Variants in GMPS observed in about 807,000 individuals in gnomAD.
GMPS encodes the protein guanosine monophosphate synthase, also known as GMP synthase [glutamine-hydrolyzing].
GMPS carries 15 observed loss-of-function variants against 77.9 expected under a neutral mutation model. That is an observed-to-expected ratio of 0.19 (90% CI 0.13 to 0.30). GMPS has a LOEUF of 0.30. Among genes scored for constraint, GMPS ranks in the 10% least tolerant of loss-of-function variants. The pLI is 1.00. For synonymous variants in GMPS, 224 were observed against 275.9 expected (o/e 0.81, Z 1.86); for missense variants, 590 against 838.8 (o/e 0.70, Z 3.66).
chr3:155,937,515 A>C, intron 15 of GMPS, 76 bp from the exon 16 acceptor site: 1 of 701,884 alleles, frequency 1.4e-6, no homozygotes, highest in South Asian at 1.7e-5. Flanking sequence ...TTTAATTTCA[A>C]ATTACAAATG....
At chr3:155,871,947 A>G (rs1017811608) in intron 1 of GMPS, among the ~76,000 whole-genome samples, 8 of 152,174 alleles carry the variant, frequency 5.3e-5, no homozygotes, top group African/African-American at 1.9e-4. Context: ...TCTGACCTTC[A>G]CTAAGTCAGT....
At chr3:155,893,417 C>T in intron 1 of GMPS, 101 bp from the exon 2 acceptor site, 1 of 722,534 alleles carries the variant, frequency 1.4e-6, no homozygotes, top group Non-Finnish European at 2.2e-6. Flanking sequence ...AGTTTTCATT[C>T]CTATGTGTTT....
upstream of GMPS, chr3:155,870,585 TGCC>T (rs1444611484): frequency 4.5e-4 from 174 of 385,334 alleles, no homozygotes; most frequent in Non-Finnish European, 6.1e-5. Flanking sequence ...GAGGCTCGGC[TGCC>T]AAGCCGAACG....
intron 10 of GMPS, among the ~76,000 whole-genome samples, chr3:155,921,289 TA>T (rs972692200): frequency 9.2e-5 from 14 of 152,212 alleles, no homozygotes; most frequent in Non-Finnish European, 1.6e-4. Flanking sequence ...TTTTTGGTAT[TA>T]AAAACTCACA....
rs1385630439 is a variant in GMPS, at chr3:155,914,563, T to C, written c.1031T>C (p.Phe344Ser). The change falls in exon 8 of 16, where the codon TTT becomes TCT. Residue 344 changes from phenylalanine (F) to serine (S), a missense_variant. Coordinates refer to ENST00000496455, the MANE Select transcript of GMPS (RefSeq NM_003875.3). ...AAAAGAAAAATCATTGGGGATACTTTTGTTAAGGTACCTTTGTTTTTAATA... is the reference window on the plus strand; with the variant it reads ...AAAAGAAAAATCATTGGGGATACTTCTGTTAAGGTACCTTTGTTTTTAATA... Reference protein sequence around the residue: ...EEKRKIIGDTFVKIANEVIGE... With the variant: ...EEKRKIIGDTSVKIANEVIGE... 6.4e-7 allele frequency: 1 copy of C among 1,572,734 alleles called. No homozygotes were observed. The highest frequency in any genetic ancestry group is 8.6e-7 in the Non-Finnish European group (1 of 1,163,220).
chr3:155,941,191 T>C lies in GMPS; in HGVS notation c.*3499T>C, dbSNP rs1369017442. The C allele has an allele frequency of 1.7e-5, 3 of 177,256 alleles. No homozygotes were observed. Among genetic ancestry groups the C allele is most frequent in the African/African-American group, 7.1e-5 (3 of 42,076 alleles). The allele number at this position is 177,256 out of a possible 1,614,324, so 11.0% of individuals were successfully genotyped here. On this transcript the variant is annotated 3_prime_UTR_variant, in exon 16 of 16. Transcript: ENST00000496455. The stretch of plus-strand genomic sequence containing the variant: ...AGGCCGAGGTGGGTGGATCACGAGA[T>C]CAGGAGATCGAGACCATCTTGGCTA...
intron 1 of GMPS, among the ~76,000 whole-genome samples, chr3:155,883,183 T>C (rs764869853): frequency 9.2e-5 from 14 of 152,180 alleles, no homozygotes; most frequent in Non-Finnish European, 1.6e-4. Flanking sequence ...GCCATTCTCA[T>C]GCCTCAGGCT....
intron 1 of GMPS, among the ~76,000 whole-genome samples, chr3:155,889,439 G>A (rs762183927): frequency 6.6e-6 from 1 of 152,154 alleles, no homozygotes; most frequent in African/African-American, 2.4e-5. Context: ...CTCCTAGCGC[G>A]CTGCGGTTCT....
intron 1 of GMPS, among the ~76,000 whole-genome samples, chr3:155,876,610 G>A (rs755155528): frequency 1.1e-4 from 16 of 152,128 alleles, no homozygotes; most frequent in African/African-American, 2.2e-4. Flanking sequence ...GTGGGATATC[G>A]GACTAACAGA....
Position 155,937,758 on chromosome 3 carries a change from G to C in GMPS, c.*66G>C. 1.3e-6 allele frequency: 1 copy of C among 780,912 alleles called. No individual in the cohort carries two copies. The highest frequency in any genetic ancestry group is 1.5e-5 in the South Asian group (1 of 67,064). The allele number at this position is 780,912 out of a possible 1,614,324, so 48.4% of individuals were successfully genotyped here. The stretch of plus-strand genomic sequence containing the variant: ...TTGATTAGAAATCATTCCCATTATT[G>C]ACATGCAGTACTGTGAAAAGAGTTA... On this transcript the variant is annotated 3_prime_UTR_variant, in exon 16 of 16. Transcript: ENST00000496455.
chr3:155,931,439 G>A (rs868084465), intron 12 of GMPS, among the ~76,000 whole-genome samples: 1 of 151,992 alleles, frequency 6.6e-6, no homozygotes, highest in Non-Finnish European at 1.5e-5. Flanking sequence ...GCCCACCTCG[G>A]CCTCCCAAAG....
chr3:155,919,749 A>T (rs191250619), intron 10 of GMPS, among the ~76,000 whole-genome samples: 1 of 152,334 alleles, frequency 6.6e-6, no homozygotes, highest in African/African-American at 2.4e-5. Context: ...TCCTTGTCCT[A>T]TGTCTGACTT....
rs560808391 is a variant in GMPS at position 155,917,049 on chromosome 3, A to G, written c.1212+857A>G. 2.6e-5 allele frequency among the ~76,000 whole-genome samples: 4 copies of G among 151,200 alleles called. No homozygotes were observed. The East Asian group carries it at 7.8e-4, about 29-fold the overall frequency. Reference sequence around the variant, plus strand: ...GAGAGCAGTCATGCGACCTCGGCTCACTGCAACCTCTGCCTCCCGGTTCAA... The same window carrying G: ...GAGAGCAGTCATGCGACCTCGGCTCGCTGCAACCTCTGCCTCCCGGTTCAA... On this transcript the variant is annotated intron_variant, in intron 9 of 15. Coordinates refer to ENST00000496455, the MANE Select transcript of GMPS (RefSeq NM_003875.3).
intron 13 of GMPS, 84 bp from the exon 14 acceptor site, chr3:155,934,832 C>G (rs1353731607): frequency 6.7e-6 from 6 of 889,790 alleles, no homozygotes; most frequent in Non-Finnish European, 1.1e-5. Flanking sequence ...TGTTACTGTT[C>G]TAAGTGCCTT....
At chr3:155,872,129 C>T (rs1437968064) in intron 1 of GMPS, among the ~76,000 whole-genome samples, 1 of 152,146 alleles carries the variant, frequency 6.6e-6, no homozygotes, top group Non-Finnish European at 1.5e-5. Context: ...GATAGTAGTG[C>T]CTTGTTCAGG....
chr3:155,896,034 G>T (rs1269491592), intron 2 of GMPS, among the ~76,000 whole-genome samples: 1 of 150,992 alleles, frequency 6.6e-6, no homozygotes, highest in African/African-American at 2.4e-5. Flanking sequence ...TTTTGAGACG[G>T]AGTCTCGCTC....
At chr3:155,927,259 ATACT>A (rs1352333062) in intron 12 of GMPS, among the ~76,000 whole-genome samples, 1 of 152,184 alleles carries the variant, frequency 6.6e-6, no homozygotes, top group African/African-American at 2.4e-5. Flanking sequence ...ATTTGCAATG[ATACT>A]TACAGGCAGT....
At chr3:155,929,212 T>C (rs1218848423) in intron 12 of GMPS, among the ~76,000 whole-genome samples, 1 of 151,024 alleles carries the variant, frequency 6.6e-6, no homozygotes, top group East Asian at 2.0e-4. Flanking sequence ...TTTCCTGACT[T>C]TTTAATGATT....
At chr3:155,885,192 A>G (rs959163706) in intron 1 of GMPS, among the ~76,000 whole-genome samples, 1 of 152,240 alleles carries the variant, frequency 6.6e-6, no homozygotes, top group Non-Finnish European at 1.5e-5. Flanking sequence ...AGCAGTGAAA[A>G]GCTGACATAA....
Sources: gnomAD v4.1 joint callset for allele counts (sites outside exome capture counted in the v4.1 genomes callset) on GRCh38, gnomAD v4.1.1 for gene constraint, MANE v1.5 for transcripts, NCBI Gene and HGNC (gene_info 2026-07-23, HGNC 2026-07-21) for gene names.